VWA5B1: variants seen among roughly 807,000 people sequenced by gnomAD.
VWA5B1 encodes von Willebrand factor A domain-containing protein 5B1.
VWA5B1 carries 115 observed loss-of-function variants against 118.2 expected under a neutral mutation model. The observed-to-expected ratio is 0.97, with a 90% CI of 0.84 to 1.14. The LOEUF is 1.14. VWA5B1 is among the 50% of genes most tolerant of loss of function. VWA5B1 has a pLI of 0.00. For missense variants in VWA5B1, 1,596 were observed against 1,603.8 expected, an observed-to-expected ratio of 1.00 and a Z score of 0.08; for synonymous variants, 682 against 658.4, an observed-to-expected ratio of 1.04 and a Z score of -0.55.
rs1301535031 is a variant in VWA5B1 at position 20,358,229 on chromosome 1, G to T, written c.*3966G>T. ...TGATGAATAGACTAGCTGCTTCCAA[G>T]ACTCGATTCTGGTGGGCTTTCACCT... On this transcript the variant is annotated 3_prime_UTR_variant, in exon 22 of 22. Transcript: ENST00000289815. 2.6e-5 allele frequency among the ~76,000 whole-genome samples: 4 copies of T among 152,196 alleles called. No individual in the cohort carries two copies. Among genetic ancestry groups the T allele is most frequent in the South Asian group, 2.1e-4 (1 of 4,826 alleles).
rs1270352871 is a variant in VWA5B1 at position 20,355,751 on chromosome 1, G to A, written c.*1488G>A. ...AGGAGGCTCCAGCAGAACGCCCACT[G>A]GGCACAAGGGGAGAAAAAGCAGCCC... On this transcript the variant is annotated 3_prime_UTR_variant, in exon 22 of 22. Transcript: ENST00000289815. 6.6e-5 allele frequency among the ~76,000 whole-genome samples: 10 copies of A among 152,234 alleles called. No homozygotes were observed. The highest frequency in any genetic ancestry group is 2.4e-4 in the African/African-American group (10 of 41,464).
rs1471482115 is a variant in VWA5B1, at chr1:20,310,681, A to G, written c.80A>G (p.Tyr27Cys). 3 of 1,551,242 alleles carry G rather than the reference A, an allele frequency of 1.9e-6. No individual in the cohort carries two copies. Among genetic ancestry groups the G allele is most frequent in the Non-Finnish European group, 2.6e-6 (3 of 1,146,802 alleles). The change falls in exon 2 of 22, where the codon TAT (tyrosine) becomes TGT (cysteine). Residue 27 changes from tyrosine (Y) to cysteine (C), a missense_variant. Tyr to Cys is a radical substitution (Grantham distance 194, BLOSUM62 -2). Transcript: ENST00000289815. ...ASDVTSCVSG[Y>C]ALGLTASLTY... The stretch of plus-strand genomic sequence containing the variant: ...GATGTTACCTCCTGTGTCAGCGGTT[A>G]TGCCCTGGGCCTAACTGCCTCCCTC...
rs34807512 is a variant in VWA5B1, at chr1:20,332,899, T to TG, written c.1710dup (p.Tyr571ValfsTer6). On this transcript the variant is annotated frameshift_variant, in exon 12 of 22. Transcript: ENST00000289815. LOFTEE classifies it high-confidence loss of function. Reference sequence around the variant, plus strand: ...TCCCTCTTCCCTGGAGAACGGCTGGTGGGGTATGGCATTGTATGTGATGCT... The same window carrying TG: ...TCCCTCTTCCCTGGAGAACGGCTGGTGGGGGTATGGCATTGTATGTGATGCT... 6.4e-7 allele frequency: 1 copy of TG among 1,551,524 alleles called. No individual in the cohort carries two copies. Among genetic ancestry groups the TG allele is most frequent in the South Asian group, 1.2e-5 (1 of 84,050 alleles).
intron 5 of VWA5B1, 74 bp downstream of exon 5, chr1:20,317,749 G>A: frequency 1.6e-6 from 2 of 1,288,642 alleles, no homozygotes; most frequent in Non-Finnish European, 2.1e-6. Flanking sequence ...ATGGGACGGG[G>A]GTGGGAAGGA....
At chr1:20,337,883 C>G in intron 14 of VWA5B1, 47 bp downstream of exon 14, 2 of 1,550,196 alleles carry the variant, frequency 1.3e-6, no homozygotes, top group South Asian at 1.2e-5. Context: ...AGGCGACAGG[C>G]AGGGGAGAGC....
At chr1:20,345,700 G>T in intron 17 of VWA5B1, 107 bp downstream of exon 17, 2 of 1,416,988 alleles carry the variant, frequency 1.4e-6, no homozygotes, top group Non-Finnish European at 1.9e-6. Context: ...GGAGCGGGGT[G>T]AGACAGGGCC....
At chr1:20,328,107 G>A in intron 9 of VWA5B1, 107 bp downstream of exon 9, 1 of 1,071,138 alleles carries the variant, frequency 9.3e-7, no homozygotes, top group Non-Finnish European at 1.4e-6. Flanking sequence ...GGCCTCAGAA[G>A]CTGCCTACCC....
At chr1:20,318,008 C>T (rs914874878) in intron 5 of VWA5B1, among the ~76,000 whole-genome samples, 2 of 149,460 alleles carry the variant, frequency 1.3e-5, no homozygotes, top group East Asian at 2.0e-4. Context: ...CAGAAGCACC[C>T]AGAGACACCC....
chr1:20,353,624 T>C (rs953365876), intron 21 of VWA5B1, 133 bp from the exon 22 acceptor site: 4 of 1,210,454 alleles, frequency 3.3e-6, no homozygotes, highest in Admixed American at 3.1e-5. Flanking sequence ...AGATGCTCAA[T>C]TGACCTGGGT....
In VWA5B1 at chr1:20,314,244, C is replaced by G. The variant is rs1035196653; in HGVS notation, c.293-78C>G. ...TTTCCCATCAGCAAAATGGGCCACTCACACTTACCACAACAGCAATCTTAG... is the reference window on the plus strand; with the variant it reads ...TTTCCCATCAGCAAAATGGGCCACTGACACTTACCACAACAGCAATCTTAG... On this transcript the variant is annotated intron_variant, in intron 3 of 21. Coordinates refer to ENST00000289815, the MANE Select transcript of VWA5B1 (RefSeq NM_001039500.3). The G allele has an allele frequency of 2.1e-6, 3 of 1,451,458 alleles. No homozygotes were observed. In the Admixed American group the frequency reaches 6.3e-5, roughly 30 times the overall value. 89.9% of individuals were successfully genotyped at this position (1,451,458 alleles called of 1,614,324 possible). A position where few individuals can be genotyped will look rare whatever the true frequency, so the allele number is the denominator to read the frequency against.
chr1:20,333,808 T>C (rs1381640835), intron 12 of VWA5B1, among the ~76,000 whole-genome samples: 1 of 152,230 alleles, frequency 6.6e-6, no homozygotes, highest in Admixed American at 6.5e-5. Context: ...TCCTCACCTA[T>C]CTTTCCTCTT....
At position 20,312,906 on chromosome 1, in the gene VWA5B1, C is replaced by A; in HGVS notation, c.210C>A (p.Val70=). The A allele has an allele frequency of 6.4e-7, 1 of 1,551,664 alleles. No homozygotes were observed. The highest frequency in any genetic ancestry group is 1.2e-5 in the South Asian group (1 of 84,040). The change falls in exon 3 of 22, where the codon GTC becomes GTA. Residue 70 remains valine, a synonymous_variant. Transcript: ENST00000289815. ...TTGAGGCAGTCATTGCCGACCGTGTCGTGACAGTACAGATCAAGGACAAAG... is the reference window on the plus strand; with the variant it reads ...TTGAGGCAGTCATTGCCGACCGTGTAGTGACAGTACAGATCAAGGACAAAG... ...IGFEAVIADR[V]VTVQIKDKAK...
rs1207091652 is a variant in VWA5B1, at chr1:20,357,553, C to T, written c.*3290C>T. ...TCTCTTAGGGCTCCTGCGGCACTGG[C>T]GTTCAGAAAGCCTTTACTGGGTGCC... On this transcript the variant is annotated 3_prime_UTR_variant, in exon 22 of 22. Coordinates refer to ENST00000289815, the MANE Select transcript of VWA5B1 (RefSeq NM_001039500.3). 2.0e-5 allele frequency among the ~76,000 whole-genome samples: 3 copies of T among 152,204 alleles called. No homozygotes were observed. The highest frequency in any genetic ancestry group is 3.8e-4 in the East Asian group (2 of 5,196).
chr1:20,291,359 T>TTCTCTC (rs67596546), intron 1 of VWA5B1, among the ~76,000 whole-genome samples: 2,873 of 103,352 alleles, frequency 0.028, 72 homozygotes, highest in African/African-American at 0.062. Flanking sequence ...CTTTCTTTCT[T>TTCTCTC]TCTCTCTCTC....
At chr1:20,298,473 C>T (rs995071888) in intron 1 of VWA5B1, among the ~76,000 whole-genome samples, 7 of 151,736 alleles carry the variant, frequency 4.6e-5, no homozygotes, top group Non-Finnish European at 1.0e-4. Context: ...CCTTGATTAG[C>T]TTTATCCCCA....
At position 20,293,814 on chromosome 1, in the gene VWA5B1, G is replaced by C. The variant is rs573482720; in HGVS notation, c.-27+2726G>C. ...GATTGGGATCAGCGGTATTCTGTGTGGGGCTAGGCAGGCTTCCTGAAGGAG... is the reference window on the plus strand; with the variant it reads ...GATTGGGATCAGCGGTATTCTGTGTCGGGCTAGGCAGGCTTCCTGAAGGAG... On this transcript the variant is annotated intron_variant, in intron 1 of 21. Transcript: ENST00000289815. 3.3e-5 allele frequency among the ~76,000 whole-genome samples: 5 copies of C among 152,280 alleles called. No homozygotes were observed. In the Middle Eastern group the frequency reaches 0.01, roughly 311 times the overall value.
intron 1 of VWA5B1, among the ~76,000 whole-genome samples, chr1:20,301,765 TG>T (rs1279306542): frequency 6.6e-6 from 1 of 152,214 alleles, no homozygotes; most frequent in African/African-American, 2.4e-5. Context: ...GCAGCTCTGC[TG>T]GGTGAGCTCA....
intron 5 of VWA5B1, 142 bp downstream of exon 5, chr1:20,317,817 T>C (rs2089069246): frequency 2.6e-6 from 3 of 1,139,966 alleles, no homozygotes; most frequent in Admixed American, 3.1e-5. Flanking sequence ...TGGACCCCCA[T>C]TTCCCATGGC....
chr1:20,318,358 A>C, intron 5 of VWA5B1: 1 of 608,268 alleles, frequency 1.6e-6, no homozygotes, highest in Non-Finnish European at 2.9e-6. Flanking sequence ...TCCGACCCCC[A>C]CTAGATCCTG....
Sources: gnomAD v4.1 joint callset for allele counts (sites outside exome capture counted in the v4.1 genomes callset) on GRCh38, gnomAD v4.1.1 for gene constraint, MANE v1.5 for transcripts, NCBI Gene and HGNC (gene_info 2026-07-23, HGNC 2026-07-21) for gene names.